The following TBC1D5 variants were observed in gnomAD, a reference collection of about 807,000 sequenced individuals.
The protein encoded by TBC1D5 is TBC1 domain family, member 5.
A neutral mutation model predicts 100.3 loss-of-function variants in TBC1D5; 75 were observed. That is an observed-to-expected ratio of 0.75 (90% confidence interval 0.62 to 0.91). The LOEUF is 0.91. Among genes scored for constraint, TBC1D5 ranks in the 40% least tolerant of loss-of-function variants. The probability of loss-of-function intolerance (pLI) is 0.00; values close to 1 mark genes in which losing one functional copy is unlikely to be tolerated. For missense variants in TBC1D5, 910 were observed against 942.4 expected, an observed-to-expected ratio of 0.97 and a Z score of 0.45; for synonymous variants, 323 against 325.6, an observed-to-expected ratio of 0.99 and a Z score of 0.09.
chr3:17,454,176 GA>G (rs1324670067), intron 3 of TBC1D5, among the ~76,000 whole-genome samples: 2 of 152,054 alleles, frequency 1.3e-5, no homozygotes, highest in Admixed American at 6.6e-5. Context: ...ACTGAATGAA[GA>G]AAAATTGAAA....
chr3:17,370,224 G>C (rs2092385569), intron 13 of TBC1D5, among the ~76,000 whole-genome samples: 1 of 152,008 alleles, frequency 6.6e-6, no homozygotes, highest in African/African-American at 2.4e-5. Flanking sequence ...CACCGGTTTG[G>C]GCAAGAAGGC....
intron 13 of TBC1D5, among the ~76,000 whole-genome samples, chr3:17,350,527 T>C (rs993259346): frequency 1.3e-5 from 2 of 152,206 alleles, no homozygotes; most frequent in Non-Finnish European, 2.9e-5. Flanking sequence ...TACCTGCATG[T>C]AATGATTTCT....
At position 17,166,916 on chromosome 3, in the gene TBC1D5, G is replaced by C. The variant is rs1238438120; in HGVS notation, c.1945C>G (p.Leu649Val). 5 of 1,604,760 alleles carry C rather than the reference G, an allele frequency of 3.1e-6. No individual in the cohort carries two copies. The highest frequency in any genetic ancestry group is 4.2e-6 in the Non-Finnish European group (5 of 1,177,496). Residue 649 changes from leucine (L) to valine (V), a missense_variant, in exon 21 of 22, where the codon CTA (leucine) becomes GTA (valine). By Grantham distance (32) the Leu-to-Val change is conservative (BLOSUM62 1). Coordinates refer to ENST00000253692, the Ensembl canonical transcript of TBC1D5. ...TGGTTAAAACGCAGGGAACCTTTTA[G>C]AATGTCTTTGATCTATTTTCAAAGA...
intron 1 of TBC1D5, among the ~76,000 whole-genome samples, chr3:17,693,577 A>G (rs1047386065): frequency 2.2e-4 from 33 of 152,214 alleles, no homozygotes; most frequent in African/African-American, 7.7e-4. Flanking sequence ...CAAAGCTGCC[A>G]GGAAGCTCGA....
At chr3:17,741,293 T>C (rs1338499064), upstream of TBC1D5, among the ~76,000 whole-genome samples, 1 of 152,144 alleles carries the variant, frequency 6.6e-6, no homozygotes, top group African/African-American at 2.4e-5. Context: ...GCTGTAAAAA[T>C]TAAAAATGCT....
At chr3:17,252,160 A>G (rs1427742489) in intron 16 of TBC1D5, among the ~76,000 whole-genome samples, 1 of 152,176 alleles carries the variant, frequency 6.6e-6, no homozygotes, top group Non-Finnish European at 1.5e-5. Flanking sequence ...GTACTGCCTC[A>G]AGAGTATGTC....
chr3:17,215,433 G>A (rs907938818), intron 17 of TBC1D5, among the ~76,000 whole-genome samples: 4 of 152,004 alleles, frequency 2.6e-5, no homozygotes, highest in South Asian at 2.1e-4. Flanking sequence ...ATGATGGAGC[G>A]GCTATTTACT....
intron 3 of TBC1D5, among the ~76,000 whole-genome samples, chr3:17,460,563 C>CTT (rs2095185020): frequency 1.3e-5 from 2 of 152,086 alleles, no homozygotes; most frequent in South Asian, 4.1e-4. Flanking sequence ...CATTTTTCCC[C>CTT]TTTAACATGA....
At chr3:17,242,094 C>G (rs1014263710) in intron 16 of TBC1D5, among the ~76,000 whole-genome samples, 1 of 152,028 alleles carries the variant, frequency 6.6e-6, no homozygotes, top group Non-Finnish European at 1.5e-5. Flanking sequence ...TTTTATTGCC[C>G]ACTTGATGTC....
intron 18 of TBC1D5, among the ~76,000 whole-genome samples, chr3:17,185,619 G>A (rs566127085): frequency 9.2e-5 from 14 of 151,450 alleles, no homozygotes; most frequent in African/African-American, 2.4e-4. Context: ...AAAACATTGC[G>A]TTTTTTTCAC....
chr3:17,167,876 C>T, intron 19 of TBC1D5, 48 bp from the exon 21 acceptor site: 1 of 1,322,110 alleles, frequency 7.6e-7, no homozygotes. Flanking sequence ...TGAGCATAAC[C>T]TACCTGCTGC....
chr3:17,208,200 G>C (rs76152175), intron 18 of TBC1D5, among the ~76,000 whole-genome samples: 1 of 152,252 alleles, frequency 6.6e-6, no homozygotes, highest in Admixed American at 6.5e-5. Flanking sequence ...AATGAGTCCC[G>C]GCTATGGGCC....
chr3:17,256,812 TA>T (rs1416401614), intron 16 of TBC1D5, among the ~76,000 whole-genome samples: 1 of 152,032 alleles, frequency 6.6e-6, no homozygotes, highest in African/African-American at 2.4e-5. Context: ...ATAGAGTGAA[TA>T]GGGGAGGTGA....
At chr3:17,533,053 TCA>T (rs149435699) in intron 2 of TBC1D5, among the ~76,000 whole-genome samples, 2 of 140,020 alleles carry the variant, frequency 1.4e-5, no homozygotes, top group Admixed American at 7.1e-5. Context: ...TGAGATCCTG[TCA>T]CACACACACA....
At chr3:17,611,591 T>TG (rs988605024) in intron 2 of TBC1D5, among the ~76,000 whole-genome samples, 14 of 152,130 alleles carry the variant, frequency 9.2e-5, no homozygotes, top group African/African-American at 2.9e-4. Context: ...AAGATGAAGA[T>TG]GGGGGGACAA....
intron 21 of TBC1D5, among the ~76,000 whole-genome samples, chr3:17,165,443 G>A (rs2125093964): frequency 6.6e-6 from 1 of 152,294 alleles, no homozygotes; most frequent in Admixed American, 6.5e-5. Flanking sequence ...TAAAACATCT[G>A]TGCAAGGAAG....
At chr3:17,243,290 A>G (rs900206533) in intron 16 of TBC1D5, among the ~76,000 whole-genome samples, 1 of 152,174 alleles carries the variant, frequency 6.6e-6, no homozygotes, top group Admixed American at 6.5e-5. Flanking sequence ...TTGTGACCTG[A>G]AGAATGAAAA....
At position 17,220,010 on chromosome 3, in the gene TBC1D5, C is replaced by T. The variant is rs114302009; in HGVS notation, c.1589-5640G>A. 3.2e-3 allele frequency among the ~76,000 whole-genome samples: 483 copies of T among 152,130 alleles called. 3 individuals carry two copies. The highest frequency in any genetic ancestry group is 0.011 in the African/African-American group (474 of 41,542). On this transcript the variant is annotated intron_variant, in intron 17 of 21. Coordinates refer to ENST00000253692, the Ensembl canonical transcript of TBC1D5. ...TTGGAAATTTGTCTATGTCATATGTCCTCTTTTTAAGAGCTGTGAGGAAAA... is the reference window on the plus strand; with the variant it reads ...TTGGAAATTTGTCTATGTCATATGTTCTCTTTTTAAGAGCTGTGAGGAAAA...
At chr3:17,643,050 T>C (rs1428864068) in intron 1 of TBC1D5, among the ~76,000 whole-genome samples, 3 of 152,078 alleles carry the variant, frequency 2.0e-5, no homozygotes, top group Non-Finnish European at 4.4e-5. Context: ...CTAATGACTT[T>C]TTTTGATTCC....
Sources: allele counts gnomAD v4.1 joint callset (sites outside exome capture counted in the v4.1 genomes callset), GRCh38; gene constraint gnomAD v4.1.1; transcripts MANE v1.5; gene names NCBI Gene and HGNC (gene_info 2026-07-23, HGNC 2026-07-21).